Variants in NARS2 observed in about 807,000 individuals in gnomAD.
The protein encoded by NARS2 is asparaginyl-tRNA synthetase.
A neutral mutation model predicts 62.9 loss-of-function variants in NARS2; 60 were observed. That is an observed-to-expected ratio of 0.95 (90% CI 0.77 to 1.18). The LOEUF (loss-of-function observed/expected upper bound fraction) is 1.18. NARS2 is among the 50% of genes most tolerant of loss of function. The pLI is 0.00. For synonymous variants in NARS2, 196 were observed against 200.0 expected, an observed-to-expected ratio of 0.98 and a Z score of 0.17; for missense variants, 619 against 576.4, an observed-to-expected ratio of 1.07 and a Z score of -0.76.
intron 11 of NARS2, among the ~76,000 whole-genome samples, chr11:78,465,205 C>A (rs1858568208): frequency 6.6e-6 from 1 of 152,210 alleles, no homozygotes; most frequent in Admixed American, 6.5e-5. Context: ...GCAGGTGGGG[C>A]CCGCCGAGCC....
At chr11:78,461,521 C>T (rs1858393521) in intron 11 of NARS2, among the ~76,000 whole-genome samples, 1 of 135,810 alleles carries the variant, frequency 7.4e-6, no homozygotes, top group Non-Finnish European at 1.5e-5. Flanking sequence ...CTGATCCTAA[C>T]AAGAGCTACT....
intron 6 of NARS2, among the ~76,000 whole-genome samples, chr11:78,521,809 A>AAG (rs1861138318): frequency 6.6e-6 from 1 of 150,978 alleles, no homozygotes; most frequent in South Asian, 2.1e-4. Context: ...AAAAAAAAAA[A>AAG]GAAAAGCCCG....
chr11:78,501,032 C>T (rs1860262889), intron 6 of NARS2, among the ~76,000 whole-genome samples: 1 of 152,122 alleles, frequency 6.6e-6, no homozygotes, highest in South Asian at 2.1e-4. Context: ...GTTGAGGCTG[C>T]AGTGAGCTGT....
chr11:78,454,210 CCTTAT>C (rs1312822683), intron 11 of NARS2, among the ~76,000 whole-genome samples: 18 of 152,270 alleles, frequency 1.2e-4, no homozygotes, highest in Admixed American at 5.9e-4. Context: ...CTTCTCTCTT[CCTTAT>C]CTTTTCTTTC....
chr11:78,525,868 C>T (rs371772661), intron 6 of NARS2, among the ~76,000 whole-genome samples: 12 of 152,124 alleles, frequency 7.9e-5, no homozygotes, highest in Admixed American at 5.2e-4. Flanking sequence ...GACAAGCCTT[C>T]GCCTCTGTGG....
intron 5 of NARS2, among the ~76,000 whole-genome samples, chr11:78,553,664 T>G (rs1856216128): frequency 6.6e-6 from 1 of 152,234 alleles, no homozygotes; most frequent in Non-Finnish European, 1.5e-5. Flanking sequence ...TAGACCTTTA[T>G]CAGATGCATA....
At chr11:78,546,339 G>C (rs1855875478) in intron 5 of NARS2, among the ~76,000 whole-genome samples, 1 of 152,142 alleles carries the variant, frequency 6.6e-6, no homozygotes, top group Non-Finnish European at 1.5e-5. Flanking sequence ...AAAAAACAAA[G>C]GCAAGGATAT....
At chr11:78,563,868 ATG>A (rs771395036) in intron 4 of NARS2, among the ~76,000 whole-genome samples, 46,853 of 81,128 alleles carry the variant, frequency 0.58, 16,450 homozygotes, top group Non-Finnish European at 0.7. Context: ...ATATATATAT[ATG>A]TATACACACA....
chr11:78,462,620 AC>A (rs1858443035), intron 11 of NARS2, among the ~76,000 whole-genome samples: 1 of 152,238 alleles, frequency 6.6e-6, no homozygotes, highest in South Asian at 2.1e-4. Context: ...CTAACTACTT[AC>A]TATCTACGTA....
intron 13 of NARS2, 150 bp from the exon 14 acceptor site, chr11:78,436,964 A>G (rs1857429738): frequency 1.4e-6 from 1 of 740,730 alleles, no homozygotes; most frequent in Non-Finnish European, 2.2e-6. Context: ...CAGACAGACA[A>G]TGGAAAGGAA....
chr11:78,552,610 G>C (rs900530495), intron 5 of NARS2, among the ~76,000 whole-genome samples: 3 of 152,184 alleles, frequency 2.0e-5, no homozygotes, highest in African/African-American at 7.2e-5. Flanking sequence ...ATGCATATTT[G>C]ATTGCCTCCT....
intron 9 of NARS2, among the ~76,000 whole-genome samples, chr11:78,474,415 A>C (rs1859000298): frequency 6.6e-6 from 1 of 152,232 alleles, no homozygotes; most frequent in Admixed American, 6.5e-5. Flanking sequence ...CAAAGTGCCT[A>C]ACTCATATTA....
Position 78,436,610 on chromosome 11 carries a change from T to C in NARS2, c.*60A>G, listed in dbSNP as rs569780008. On this transcript the variant is annotated 3_prime_UTR_variant, in exon 14 of 14. Coordinates refer to ENST00000281038, the MANE Select transcript of NARS2 (RefSeq NM_024678.6). ...AAATCCAAACATGCATTCTGCTGTA[T>C]GCACAATCATGTGCAGTGTCTCTGC... 1.3e-4 allele frequency: 201 copies of C among 1,564,206 alleles called. No homozygotes were observed. Among genetic ancestry groups the C allele is most frequent in the Non-Finnish European group, 1.7e-4 (194 of 1,143,770 alleles).
At chr11:78,562,537 T>A (rs1352803111) in intron 4 of NARS2, among the ~76,000 whole-genome samples, 7 of 152,154 alleles carry the variant, frequency 4.6e-5, no homozygotes, top group African/African-American at 1.7e-4. Flanking sequence ...CTCGACTCAC[T>A]GAGAAAGAAA....
chr11:78,463,209 G>A (rs1858465937), intron 11 of NARS2, among the ~76,000 whole-genome samples: 1 of 152,008 alleles, frequency 6.6e-6, no homozygotes, highest in South Asian at 2.1e-4. Flanking sequence ...GACTACAGGT[G>A]CACACCACTA....
intron 11 of NARS2, among the ~76,000 whole-genome samples, chr11:78,461,330 G>A (rs555417104): frequency 6.6e-6 from 1 of 152,208 alleles, no homozygotes; most frequent in South Asian, 2.1e-4. Flanking sequence ...ATCTGTACAG[G>A]AGACTAAGAA....
Position 78,437,477 on chromosome 11 carries a change from C to A in NARS2, c.1290-663G>T, listed in dbSNP as rs563296475. 1.1e-4 allele frequency among the ~76,000 whole-genome samples: 17 copies of A among 152,260 alleles called. 2 individuals are homozygous for A. In the South Asian group the frequency reaches 3.5e-3, roughly 32 times the overall value. The stretch of plus-strand genomic sequence containing the variant: ...TGCCCAGAGTCATTTAGCTGACATG[C>A]TAGACAGCCTCTGAAACCCATCCAC... On this transcript the variant is annotated intron_variant, in intron 13 of 13. Coordinates refer to ENST00000281038, the MANE Select transcript of NARS2 (RefSeq NM_024678.6).
intron 1 of NARS2, among the ~76,000 whole-genome samples, chr11:78,572,381 C>T (rs577375795): frequency 6.6e-6 from 1 of 152,220 alleles, no homozygotes; most frequent in Admixed American, 6.5e-5. Context: ...AGAGATGTCA[C>T]GATAACCTCT....
intron 11 of NARS2, among the ~76,000 whole-genome samples, chr11:78,444,727 C>CAAAA (rs1391489970): frequency 0.022 from 2,010 of 92,308 alleles, 59 homozygotes; most frequent in African/African-American, 0.068. Flanking sequence ...TCAAACAAAA[C>CAAAA]AAAAAAAAAA....
Sources: allele counts gnomAD v4.1 joint callset (sites outside exome capture counted in the v4.1 genomes callset), GRCh38; gene constraint gnomAD v4.1.1; transcripts MANE v1.5; gene names NCBI Gene and HGNC (gene_info 2026-07-23, HGNC 2026-07-21).